The following NUDT5 variants were observed in gnomAD, a reference collection of about 807,000 sequenced individuals.
The protein encoded by NUDT5 is ADP-sugar pyrophosphatase.
Under a neutral mutation model 34.1 loss-of-function variants are expected in NUDT5, and 21 were observed. That is an observed-to-expected ratio of 0.62 (90% CI 0.44 to 0.89). The LOEUF (loss-of-function observed/expected upper bound fraction) is 0.89. NUDT5 is among the 40% of genes least tolerant of loss of function. NUDT5 has a pLI of 0.00. For synonymous variants in NUDT5, 85 were observed against 97.6 expected (o/e 0.87, Z 0.76); for missense variants, 249 against 274.8 (o/e 0.91, Z 0.66).
At chr10:12,192,944 GTT>G (rs58890547) in intron 1 of NUDT5, among the ~76,000 whole-genome samples, 1 of 151,250 alleles carries the variant, frequency 6.6e-6, no homozygotes, top group Non-Finnish European at 1.5e-5. Flanking sequence ...TCACTTATGG[GTT>G]TTTTTTTCAT....
chr10:12,190,605 C>G (rs897673381), intron 1 of NUDT5, among the ~76,000 whole-genome samples: 6 of 148,440 alleles, frequency 4.0e-5, no homozygotes, highest in Non-Finnish European at 5.9e-5. Context: ...AATGATAAAG[C>G]CTTTTTTTTT....
At chr10:12,194,565 C>A (rs1372107631) in intron 1 of NUDT5, among the ~76,000 whole-genome samples, 4 of 152,224 alleles carry the variant, frequency 2.6e-5, no homozygotes, top group Admixed American at 6.5e-5. Context: ...AAAATGTATT[C>A]TTTAAAGCAC....
Position 12,170,008 on chromosome 10 carries a change from C to T in NUDT5, c.550+709G>A, listed in dbSNP as rs1363573873. The T allele has an allele frequency of 4.8e-6, 5 of 1,037,792 alleles. No homozygotes were observed. Among genetic ancestry groups the T allele is most frequent in the African/African-American group, 4.7e-5 (3 of 63,404 alleles). The allele number at this position is 1,037,792 out of a possible 1,614,324, so 64.3% of individuals were successfully genotyped here. On this transcript the variant is annotated intron_variant, in intron 9 of 9. Coordinates refer to ENST00000491614, the MANE Select transcript of NUDT5 (RefSeq NM_014142.4). The surrounding 1 kb of genome is among the most constrained non-coding windows in gnomAD (Gnocchi z 4.9). ...AGTGAAAGGGATTTGCCAGCCCATA[C>T]AGAGGTGCTCCTTGAAGGGCCCATG...
rs554082784 is a variant in NUDT5, at chr10:12,179,081, A to G, written c.181+2T>C. On this transcript the variant is annotated splice_donor_variant, in intron 4 of 9. Coordinates refer to ENST00000491614, the MANE Select transcript of NUDT5 (RefSeq NM_014142.4). LOFTEE classifies it high-confidence loss of function. ...AGGGTTGGAATAGGTTTGCACTCCT[A>G]CCATCCGCAGTCTGCTCTTTCCTGG... 1.3e-5 allele frequency: 21 copies of G among 1,613,476 alleles called. No individual in the cohort carries two copies. Among genetic ancestry groups the G allele is most frequent in the South Asian group, 1.1e-4 (10 of 91,070 alleles).
chr10:12,178,448 G>A (rs892193847), intron 4 of NUDT5, among the ~76,000 whole-genome samples: 5 of 152,212 alleles, frequency 3.3e-5, no homozygotes, highest in African/African-American at 1.2e-4. Flanking sequence ...ACCCAGGAGG[G>A]TCCCCTGGCT....
rs749290425 is a variant in NUDT5, at chr10:12,169,363, G to T, written c.550+1354C>A. 66 of 1,417,080 alleles carry T rather than the reference G, an allele frequency of 4.7e-5. No individual in the cohort carries two copies. The highest frequency in any genetic ancestry group is 6.1e-5 in the Non-Finnish European group (63 of 1,033,600). The allele number at this position is 1,417,080 out of a possible 1,614,324, so 87.8% of individuals were successfully genotyped here. A position where few individuals can be genotyped will look rare whatever the true frequency, so the allele number is the denominator to read the frequency against. On this transcript the variant is annotated intron_variant, in intron 9 of 9. Coordinates refer to ENST00000491614, the MANE Select transcript of NUDT5 (RefSeq NM_014142.4). The surrounding 1 kb of genome is among the most constrained non-coding windows in gnomAD (Gnocchi z 4.8). ...CGCACGGCATTTCACACTTGCCTACGTCACCCTGCTTTCCACGCACCTCCT... is the reference window on the plus strand; with the variant it reads ...CGCACGGCATTTCACACTTGCCTACTTCACCCTGCTTTCCACGCACCTCCT...
Position 12,168,678 on chromosome 10 carries a change from A to G in NUDT5, c.551-867T>C, listed in dbSNP as rs1029498304. Among the ~76,000 whole-genome samples the G allele has an allele frequency of 2.0e-5, 3 of 152,192 alleles. No individual in the cohort carries two copies. Among genetic ancestry groups the G allele is most frequent in the Non-Finnish European group, 4.4e-5 (3 of 68,018 alleles). ...AACAAGCCTGGGGACATTTGCAGGC[A>G]GGAAGCATGTCCTACTCACCTGGGC... On this transcript the variant is annotated intron_variant, in intron 9 of 9. Coordinates refer to ENST00000491614, the MANE Select transcript of NUDT5 (RefSeq NM_014142.4). The surrounding 1 kb of genome is among the most constrained non-coding windows in gnomAD (Gnocchi z 4.8).
At chr10:12,193,185 G>A (rs541164027) in intron 1 of NUDT5, among the ~76,000 whole-genome samples, 1 of 152,192 alleles carries the variant, frequency 6.6e-6, no homozygotes, top group Non-Finnish European at 1.5e-5. Context: ...CAGGTCTGGA[G>A]TAGAGTGGTA....
At position 12,177,823 on chromosome 10, in the gene NUDT5, T is replaced by A. The variant is rs768734754; in HGVS notation, c.259A>T (p.Met87Leu). Residue 87 changes from methionine (M) to leucine (L), a missense_variant, in exon 5 of 10, where the codon ATG becomes TTG. By Grantham distance (15) the Met-to-Leu change is conservative. Transcript: ENST00000491614. Reference protein sequence around the residue: ...IVLVKQFRPPMGGYCIEFPAG... With the variant: ...IVLVKQFRPPLGGYCIEFPAG... The stretch of plus-strand genomic sequence containing the variant: ...GGGAACTCTATGCAGTAGCCCCCCA[T>A]TGGTGGTCGGAACTGTTTCACCAGA... 1 of 1,614,078 alleles carries A rather than the reference T, an allele frequency of 6.2e-7. No individual in the cohort carries two copies. Among genetic ancestry groups the A allele is most frequent in the Middle Eastern group, 1.6e-4 (1 of 6,062 alleles).
In NUDT5 at chr10:12,169,205, A is replaced by C; in HGVS notation, c.551-1394T>G. On this transcript the variant is annotated intron_variant, in intron 9 of 9. Coordinates refer to ENST00000491614, the MANE Select transcript of NUDT5 (RefSeq NM_014142.4). This position sits in a 1 kb window ranked among gnomAD's most constrained non-coding sequence, Gnocchi z 4.8. Reference sequence around the variant, plus strand: ...ACCCCTCCTCCTTTATAGCCATAGTAGCCCTCTCTCCACCTCCCCTCACTT... The same window carrying C: ...ACCCCTCCTCCTTTATAGCCATAGTCGCCCTCTCTCCACCTCCCCTCACTT... 8.3e-7 allele frequency: 1 copy of C among 1,211,480 alleles called. No individual in the cohort carries two copies. The highest frequency in any genetic ancestry group is 1.2e-6 in the Non-Finnish European group (1 of 844,604). 75.0% of individuals were successfully genotyped at this position (1,211,480 alleles called of 1,614,324 possible).
intron 1 of NUDT5, among the ~76,000 whole-genome samples, chr10:12,190,370 G>A (rs1006098403): frequency 1.1e-4 from 17 of 152,110 alleles, no homozygotes; most frequent in African/African-American, 2.9e-4. Flanking sequence ...ATTTTTAGAC[G>A]TCTTGCACAG....
At position 12,187,106 on chromosome 10, in the gene NUDT5, C is replaced by T. The variant is rs138874131; in HGVS notation, c.-41-774G>A. On this transcript the variant is annotated intron_variant, in intron 1 of 9. Transcript: ENST00000491614. This position sits in a 1 kb window ranked among gnomAD's most constrained non-coding sequence, Gnocchi z 5.4. ...GGAGTGCAGTGGCGAAATCATGGCTCACTGTAGCCTCTACCTCCCAAGCTC... is the reference window on the plus strand; with the variant it reads ...GGAGTGCAGTGGCGAAATCATGGCTTACTGTAGCCTCTACCTCCCAAGCTC... 5.5e-3 allele frequency among the ~76,000 whole-genome samples: 833 copies of T among 152,318 alleles called. 13 individuals are homozygous for T. The highest frequency in any genetic ancestry group is 0.019 in the African/African-American group (787 of 41,560).
Position 12,171,738 on chromosome 10 carries a change from T to TA in NUDT5, c.488-831_488-830insT, listed in dbSNP as rs1221419551. Among the ~76,000 whole-genome samples the TA allele has an allele frequency of 1.4e-3, 210 of 146,384 alleles. 1 individual carries two copies. Among genetic ancestry groups the TA allele is most frequent in the South Asian group, 2.4e-3 (11 of 4,660 alleles). On this transcript the variant is annotated intron_variant, in intron 7 of 9. Transcript: ENST00000491614. This position sits in a 1 kb window ranked among gnomAD's most constrained non-coding sequence, Gnocchi z 4.2. ...TTATTTATTTATTTATTTATTTATT[T>TA]TTTGGAGACAGGGTCTCAGTCTGTT...
intron 1 of NUDT5, among the ~76,000 whole-genome samples, chr10:12,191,461 A>G (rs138988542): frequency 6.6e-6 from 1 of 152,314 alleles, no homozygotes; most frequent in African/African-American, 2.4e-5. Flanking sequence ...AACTCCACAT[A>G]TAATGATGAT....
Position 12,167,797 on chromosome 10 carries a change from C to T in NUDT5, c.565G>A (p.Glu189Lys). 1 of 1,614,112 alleles carries T rather than the reference C, an allele frequency of 6.2e-7. No homozygotes were observed. Among genetic ancestry groups the T allele is most frequent in the Non-Finnish European group, 8.5e-7 (1 of 1,180,006 alleles). ...LQRLDALVAE[E>K]HLTVDARVYS... ...ACCCTGGCGTCCACTGTGAGATGTT[C>T]TTCAGCTACCAGAGCTGTGGAAAGC... The change falls in exon 10 of 10, where the codon GAA becomes AAA. Residue 189 changes from glutamate to lysine, a missense_variant. Coordinates refer to ENST00000491614, the MANE Select transcript of NUDT5 (RefSeq NM_014142.4).
rs777853231 is a variant in NUDT5 at position 12,170,702 on chromosome 10, C to T, written c.550+15G>A. ...AGAACTGGAGAAACTGGGTGGCGGT[C>T]TGGAGAATGCTTACCATCAAGTCTC... On this transcript the variant is annotated intron_variant, in intron 9 of 9. Transcript: ENST00000491614. The surrounding 1 kb of genome is among the most constrained non-coding windows in gnomAD (Gnocchi z 4.9). 20 of 1,612,798 alleles carry T rather than the reference C, an allele frequency of 1.2e-5. No homozygotes were observed. In the South Asian group the frequency reaches 2.2e-4, roughly 18 times the overall value.
At chr10:12,189,319 TG>T (rs1454235394) in intron 1 of NUDT5, among the ~76,000 whole-genome samples, 1 of 152,212 alleles carries the variant, frequency 6.6e-6, no homozygotes, top group Non-Finnish European at 1.5e-5. Flanking sequence ...TTGGGCAGGC[TG>T]GCCTCGAACT....
intron 9 of NUDT5, 58 bp from the exon 10 acceptor site, chr10:12,167,869 T>C: frequency 6.2e-7 from 1 of 1,605,516 alleles, no homozygotes; most frequent in Non-Finnish European, 8.5e-7. Context: ...CAAAACATCT[T>C]ATTCAATCAG....
In NUDT5 at chr10:12,173,057, G is replaced by A. The variant is rs1362455060; in HGVS notation, c.386-191C>T. 6.6e-6 allele frequency among the ~76,000 whole-genome samples: 1 copy of A among 152,220 alleles called. No homozygotes were observed. Among genetic ancestry groups the A allele is most frequent in the African/African-American group, 2.4e-5 (1 of 41,460 alleles). ...CACTCACACTCTCCCCAGAGCTCTC[G>A]AGTCAAGCTTGCTAGGTCTGCGGGG... is the stretch of plus-strand genomic sequence containing the variant. On this transcript the variant is annotated intron_variant, in intron 6 of 9. Coordinates refer to ENST00000491614, the MANE Select transcript of NUDT5 (RefSeq NM_014142.4). This position sits in a 1 kb window ranked among gnomAD's most constrained non-coding sequence, Gnocchi z 4.7.
Sources: gnomAD v4.1 joint callset for allele counts (sites outside exome capture counted in the v4.1 genomes callset) on GRCh38, gnomAD v4.1.1 for gene constraint, Gnocchi (gnomAD v3.1) non-coding constraint, MANE v1.5 for transcripts, NCBI Gene and HGNC (gene_info 2026-07-23, HGNC 2026-07-21) for gene names.